CDC73: variants seen among roughly 807,000 people sequenced by gnomAD.
The protein encoded by CDC73 is cell division cycle 73.
In CDC73, 21 loss-of-function variants were observed where a neutral mutation model predicts 83.7. The ratio of observed to expected loss-of-function variants is 0.25; its 90% confidence interval spans 0.18 to 0.36. The LOEUF (loss-of-function observed/expected upper bound fraction) is 0.36. Ranked by LOEUF, CDC73 falls within the 10% of genes least tolerant of loss-of-function variation. The pLI is 1.00. For missense variants in CDC73, 342 were observed against 653.3 expected (o/e 0.52, Z 5.19); for synonymous variants, 224 against 212.9 (o/e 1.05, Z -0.45).
intron 15 of CDC73, among the ~76,000 whole-genome samples, chr1:193,238,117 G>A (rs1183251263): frequency 6.6e-6 from 1 of 152,100 alleles, no homozygotes; most frequent in Non-Finnish European, 1.5e-5. Flanking sequence ...TTCAAATTTA[G>A]TCTTCTGAAA....
At chr1:193,193,690 GT>G (rs1005374119) in intron 10 of CDC73, among the ~76,000 whole-genome samples, 94 of 151,734 alleles carry the variant, frequency 6.2e-4, no homozygotes, top group Non-Finnish European at 1.1e-3. Context: ...TCACCTTTGA[GT>G]TTTATATACC....
intron 7 of CDC73, among the ~76,000 whole-genome samples, chr1:193,146,568 G>A (rs2186016): frequency 0.62 from 94,747 of 151,810 alleles, 30,012 homozygotes; most frequent in South Asian, 0.77. Flanking sequence ...TCGGGAATCC[G>A]AGCCCACTTT....
intron 3 of CDC73, among the ~76,000 whole-genome samples, chr1:193,132,952 A>T (rs1483053080): frequency 8.0e-6 from 1 of 125,278 alleles, no homozygotes; most frequent in African/African-American, 3.2e-5. Context: ...CCCAGGCTGG[A>T]GTGCAGTGGC....
chr1:193,174,759 T>G (rs1025891563), intron 10 of CDC73, among the ~76,000 whole-genome samples: 5 of 152,198 alleles, frequency 3.3e-5, no homozygotes, highest in African/African-American at 7.2e-5. Context: ...TACTCCTCTC[T>G]CATCTCTAGT....
intron 14 of CDC73, among the ~76,000 whole-genome samples, chr1:193,235,753 T>G (rs913769031): frequency 1.3e-5 from 2 of 152,200 alleles, no homozygotes; most frequent in African/African-American, 4.8e-5. Flanking sequence ...GATTACTTCC[T>G]AAGTAATCAC....
At chr1:193,188,031 A>G (rs1300049989) in intron 10 of CDC73, among the ~76,000 whole-genome samples, 3 of 152,198 alleles carry the variant, frequency 2.0e-5, no homozygotes, top group African/African-American at 7.2e-5. Context: ...CTTACTTAAA[A>G]TAACTTATTT....
intron 13 of CDC73, among the ~76,000 whole-genome samples, chr1:193,214,249 A>G (rs775424198): frequency 6.6e-6 from 1 of 152,158 alleles, no homozygotes; most frequent in Non-Finnish European, 1.5e-5. Context: ...TTTCAGGTAT[A>G]TGTTACATTG....
At chr1:193,166,351 C>T (rs1676433940) in intron 10 of CDC73, among the ~76,000 whole-genome samples, 1 of 152,094 alleles carries the variant, frequency 6.6e-6, no homozygotes, top group Non-Finnish European at 1.5e-5. Context: ...AGACACGGTT[C>T]ACTGTGTTGC....
chr1:193,247,997 A>C (rs1015624353), intron 15 of CDC73, among the ~76,000 whole-genome samples: 6 of 152,176 alleles, frequency 3.9e-5, no homozygotes, highest in African/African-American at 1.4e-4. Flanking sequence ...GACTACACTA[A>C]ACAACACATT....
intron 13 of CDC73, among the ~76,000 whole-genome samples, chr1:193,228,113 T>C (rs560270758): frequency 6.6e-6 from 1 of 152,340 alleles, no homozygotes; most frequent in African/African-American, 2.4e-5. Context: ...GAGTATTATA[T>C]ACTTTACTAA....
intron 11 of CDC73, among the ~76,000 whole-genome samples, chr1:193,209,572 C>T (rs1677243246): frequency 6.6e-6 from 1 of 152,110 alleles, no homozygotes; most frequent in African/African-American, 2.4e-5. Flanking sequence ...CTCCCCCTCC[C>T]CCGTTAAGAT....
chr1:193,123,334 T>A (rs143947605), intron 1 of CDC73, among the ~76,000 whole-genome samples: 1,621 of 152,268 alleles, frequency 0.011, 31 homozygotes, highest in African/African-American at 0.036. Context: ...TTCAAGTGAT[T>A]CTCTTGCCTC....
intron 15 of CDC73, among the ~76,000 whole-genome samples, chr1:193,246,533 TGAACA>T (rs1194419510): frequency 2.0e-5 from 3 of 152,100 alleles, no homozygotes; most frequent in African/African-American, 7.2e-5. Flanking sequence ...CTGTGGTACA[TGAACA>T]GTGAACTAGC....
At chr1:193,229,115 A>G (rs1032579203) in intron 13 of CDC73, among the ~76,000 whole-genome samples, 2 of 152,238 alleles carry the variant, frequency 1.3e-5, no homozygotes, top group African/African-American at 2.4e-5. Flanking sequence ...TAGAAGTCTC[A>G]TACATTTTTA....
At chr1:193,226,050 G>C (rs1427965134) in intron 13 of CDC73, among the ~76,000 whole-genome samples, 6 of 152,014 alleles carry the variant, frequency 3.9e-5, no homozygotes, top group Non-Finnish European at 7.4e-5. Context: ...CTTTGTCCTT[G>C]ATGTGTTTCA....
At chr1:193,206,222 C>T (rs1677186907) in intron 11 of CDC73, among the ~76,000 whole-genome samples, 2 of 152,074 alleles carry the variant, frequency 1.3e-5, no homozygotes, top group South Asian at 2.1e-4. Flanking sequence ...AGTCTTTCAC[C>T]TCTTAATGTT....
intron 7 of CDC73, among the ~76,000 whole-genome samples, chr1:193,142,763 G>C (rs147509384): frequency 6.6e-6 from 1 of 152,100 alleles, no homozygotes; most frequent in East Asian, 1.9e-4. Context: ...TATAGCCAAA[G>C]GATTAATTCT....
chr1:193,150,382 G>C lies in CDC73; in HGVS notation c.907G>C (p.Glu303Gln). 1 of 1,601,214 alleles carries C rather than the reference G, an allele frequency of 6.2e-7. No individual in the cohort carries two copies. Among genetic ancestry groups the C allele is most frequent in the Non-Finnish European group, 8.6e-7 (1 of 1,168,202 alleles). ...TCAGGAAAGATTCAAAGGAAAAGAA[G>C]GCAAGTTGCTTAATTCTTATCTTCC... ...YDQERFKGKEETEGFKIDTMG... is the reference protein window; with the variant it reads ...YDQERFKGKEQTEGFKIDTMG... The change falls in exon 9 of 17, where the codon GAA (glutamate) becomes CAA (glutamine). Residue 303 changes from glutamate to glutamine, a missense_variant and splice_region_variant. By Grantham distance (29) the Glu-to-Gln change is conservative (BLOSUM62 2). Coordinates refer to ENST00000367435, the MANE Select transcript of CDC73 (RefSeq NM_024529.5).
At chr1:193,200,449 C>T (rs1445406008) in intron 10 of CDC73, among the ~76,000 whole-genome samples, 1 of 152,138 alleles carries the variant, frequency 6.6e-6, no homozygotes, top group Non-Finnish European at 1.5e-5. Flanking sequence ...TTGTAAACAG[C>T]ATACTTTGTT....
Sources: gnomAD v4.1 joint callset for allele counts (sites outside exome capture counted in the v4.1 genomes callset) on GRCh38, gnomAD v4.1.1 for gene constraint, MANE v1.5 for transcripts, NCBI Gene and HGNC (gene_info 2026-07-23, HGNC 2026-07-21) for gene names.